Variants in ZFYVE9 observed in about 807,000 individuals in gnomAD.
ZFYVE9 encodes the protein zinc finger FYVE-type containing 9.
A neutral mutation model predicts 126.7 loss-of-function variants in ZFYVE9; 43 were observed. The ratio of observed to expected loss-of-function variants is 0.34; its 90% CI spans 0.27 to 0.44. ZFYVE9 has a LOEUF of 0.44. ZFYVE9 is among the 20% of genes least tolerant of loss of function. The probability of loss-of-function intolerance (pLI) is 1.00; values close to 1 mark genes in which losing one functional copy is unlikely to be tolerated. For synonymous variants in ZFYVE9, 521 were observed against 597.4 expected (o/e 0.87, Z 1.87); for missense variants, 1,476 against 1,697.0 (o/e 0.87, Z 2.29).
At chr1:52,180,315 A>T in intron 1 of ZFYVE9, 1 of 1,581,432 alleles carries the variant, frequency 6.3e-7, no homozygotes, top group South Asian at 1.1e-5. Flanking sequence ...TTATCCTGAT[A>T]GGAATCTGCC....
rs747397812 is a variant in ZFYVE9 at position 52,280,214 on chromosome 1, C to CAA, written c.2870-1428_2870-1427dup. ...CAACATGGTGAAACCTCATCCCTAC[C>CAA]AAAAAAAAAAAAAAAAAAAATTGGG... On this transcript the variant is annotated intron_variant, in intron 9 of 18. Transcript: ENST00000287727. 3.9e-3 allele frequency among the ~76,000 whole-genome samples: 319 copies of CAA among 82,032 alleles called. 1 individual carries two copies. The highest frequency in any genetic ancestry group is 0.013 in the African/African-American group (296 of 22,728). 53.8% of individuals were successfully genotyped at this position (82,032 alleles called of 152,430 possible). A position where few individuals can be genotyped will look rare whatever the true frequency, so the allele number is the denominator to read the frequency against.
At chr1:52,180,714 G>A (rs1254970195) in intron 1 of ZFYVE9, among the ~76,000 whole-genome samples, 2 of 152,114 alleles carry the variant, frequency 1.3e-5, no homozygotes, top group South Asian at 2.1e-4. Context: ...GGTGGCTTAC[G>A]CCTGTAATCC....
intron 2 of ZFYVE9, among the ~76,000 whole-genome samples, chr1:52,218,373 A>G (rs573333204): frequency 5.9e-5 from 9 of 152,312 alleles, no homozygotes; most frequent in South Asian, 2.1e-4. Flanking sequence ...AGGAATGTCA[A>G]ATTTTCCCCT....
chr1:52,302,852 G>GT (rs1465044224), intron 12 of ZFYVE9, among the ~76,000 whole-genome samples: 1 of 148,766 alleles, frequency 6.7e-6, no homozygotes, highest in Non-Finnish European at 1.5e-5. Flanking sequence ...GCTCACGACT[G>GT]TAATTGTAGC....
intron 13 of ZFYVE9, among the ~76,000 whole-genome samples, chr1:52,325,354 C>T (rs1247351531): frequency 6.6e-6 from 1 of 151,726 alleles, no homozygotes; most frequent in African/African-American, 2.4e-5. Flanking sequence ...TAAATAAATA[C>T]ATAAAAAATA....
At chr1:52,319,754 C>T (rs1370720928) in intron 13 of ZFYVE9, among the ~76,000 whole-genome samples, 1 of 151,788 alleles carries the variant, frequency 6.6e-6, no homozygotes, top group Non-Finnish European at 1.5e-5. Flanking sequence ...GTGGCTCAGG[C>T]CTGTAATCCC....
intron 1 of ZFYVE9, among the ~76,000 whole-genome samples, chr1:52,167,094 C>T (rs1327201469): frequency 6.6e-6 from 1 of 152,152 alleles, no homozygotes; most frequent in Non-Finnish European, 1.5e-5. Flanking sequence ...ATTAAAGTTG[C>T]ATATTAATAC....
intron 13 of ZFYVE9, among the ~76,000 whole-genome samples, chr1:52,315,246 A>G (rs886167583): frequency 2.0e-5 from 3 of 152,082 alleles, no homozygotes; most frequent in Non-Finnish European, 4.4e-5. Flanking sequence ...TAGGCAACAA[A>G]ATGAGACACC....
chr1:52,278,485 C>A lies in ZFYVE9; in HGVS notation c.2747-7C>A. The A allele has an allele frequency of 6.2e-7, 1 of 1,614,010 alleles. No individual in the cohort carries two copies. On this transcript the variant is annotated splice_polypyrimidine_tract_variant and splice_region_variant and intron_variant, in intron 8 of 18. Transcript: ENST00000287727. The stretch of plus-strand genomic sequence containing the variant: ...CCAATCTATTACATTGTTTTCTCCC[C>A]TTTCAGACTATGCTGTGGAAGAGAA...
chr1:52,334,144 A>G (rs1646369171), intron 14 of ZFYVE9, among the ~76,000 whole-genome samples: 1 of 152,130 alleles, frequency 6.6e-6, no homozygotes, highest in Non-Finnish European at 1.5e-5. Context: ...CCATATTTCT[A>G]TCTTCAGAAT....
intron 15 of ZFYVE9, among the ~76,000 whole-genome samples, chr1:52,335,885 G>A (rs1646383908): frequency 6.6e-6 from 1 of 152,138 alleles, no homozygotes; most frequent in Non-Finnish European, 1.5e-5. Flanking sequence ...TGTAATCTCA[G>A]CACTTTGGGA....
At chr1:52,207,758 A>G (rs2124581023) in intron 1 of ZFYVE9, among the ~76,000 whole-genome samples, 1 of 152,340 alleles carries the variant, frequency 6.6e-6, no homozygotes, top group African/African-American at 2.4e-5. Context: ...TATTAATTGT[A>G]TAAACAAACT....
intron 1 of ZFYVE9, among the ~76,000 whole-genome samples, chr1:52,198,453 T>A (rs1403935515): frequency 1.3e-5 from 2 of 152,156 alleles, no homozygotes; most frequent in Non-Finnish European, 2.9e-5. Flanking sequence ...CTAACTGTTG[T>A]CCTGAGCTTT....
At chr1:52,157,771 A>T (rs745807630) in intron 1 of ZFYVE9, among the ~76,000 whole-genome samples, 4 of 152,174 alleles carry the variant, frequency 2.6e-5, no homozygotes, top group Non-Finnish European at 5.9e-5. Flanking sequence ...CTGTCTTTCA[A>T]CATGAATCAT....
intron 8 of ZFYVE9, 126 bp from the exon 9 acceptor site, chr1:52,278,365 TG>T (rs763450458): frequency 2.0e-4 from 248 of 1,221,080 alleles, no homozygotes; most frequent in Admixed American, 8.4e-4. Context: ...AACCATGCTC[TG>T]TATGCACCTA....
rs1445110467 is a variant in ZFYVE9 at position 52,159,166 on chromosome 1, C to T, written c.-143+16763C>T. Among the ~76,000 whole-genome samples the T allele has an allele frequency of 2.6e-5, 4 of 152,218 alleles. No individual in the cohort carries two copies. The East Asian group carries it at 7.7e-4, about 29-fold the overall frequency. ...CAGTTTGAGTGTTCCTCTCTGGGAA[C>T]ATTCTCCCAAGTCACAACTTGCGTG... On this transcript the variant is annotated intron_variant, in intron 1 of 18. Transcript: ENST00000287727.
chr1:52,211,692 T>G (rs1030495181), intron 1 of ZFYVE9, among the ~76,000 whole-genome samples: 1 of 152,106 alleles, frequency 6.6e-6, no homozygotes, highest in Non-Finnish European at 1.5e-5. Context: ...AAAATAAAAT[T>G]TAAGAGTTTG....
chr1:52,213,960 A>T (rs1464989649), intron 1 of ZFYVE9, among the ~76,000 whole-genome samples: 1 of 152,018 alleles, frequency 6.6e-6, no homozygotes, highest in Non-Finnish European at 1.5e-5. Context: ...TGATACAAAG[A>T]ATGATTAGTT....
At chr1:52,336,947 TAAAAAAAAAA>T (rs71041896) in intron 15 of ZFYVE9, among the ~76,000 whole-genome samples, 2 of 107,852 alleles carry the variant, frequency 1.9e-5, no homozygotes, top group South Asian at 7.5e-4. Context: ...AGTCATCTCT[TAAAAAAAAAA>T]AAAAAAAAAA....
Sources: allele counts gnomAD v4.1 joint callset (sites outside exome capture counted in the v4.1 genomes callset), GRCh38; gene constraint gnomAD v4.1.1; transcripts MANE v1.5; gene names NCBI Gene and HGNC (gene_info 2026-07-23, HGNC 2026-07-21).